RUBCNL: variants seen among roughly 807,000 people sequenced by gnomAD.
RUBCNL encodes rubicon like autophagy enhancer.
Under a neutral mutation model 69.5 loss-of-function variants are expected in RUBCNL, and 62 were observed. The observed-to-expected ratio is 0.89, with a 90% CI of 0.73 to 1.10. RUBCNL has a LOEUF of 1.10. Ranked by LOEUF, RUBCNL falls within the 50% of genes least tolerant of loss-of-function variation. RUBCNL has a pLI of 0.00. For synonymous variants in RUBCNL, 291 were observed against 303.6 expected (o/e 0.96, Z 0.43); for missense variants, 768 against 798.1 (o/e 0.96, Z 0.45).
chr13:46,344,941 C>A, intron 13 of RUBCNL, 110 bp from the exon 14 acceptor site: 2 of 680,186 alleles, frequency 2.9e-6, no homozygotes, highest in Admixed American at 2.8e-5. Context: ...TGATTCCAGC[C>A]TCTAGAAGGA....
At chr13:46,344,307 G>A (rs780216193) in intron 14 of RUBCNL, among the ~76,000 whole-genome samples, 3 of 152,094 alleles carry the variant, frequency 2.0e-5, no homozygotes, top group Non-Finnish European at 2.9e-5. Context: ...CAGAAGGGTC[G>A]GCAACCTTTT....
Position 46,336,128 on chromosome 13 carries a change from A to G in RUBCNL, c.*7257T>C, listed in dbSNP as rs532950689. Among the ~76,000 whole-genome samples, 307 of 152,354 alleles carry G rather than the reference A, an allele frequency of 2.0e-3. 6 individuals are homozygous for G. The highest frequency in any genetic ancestry group is 2.6e-3 in the Non-Finnish European group (179 of 68,034). On this transcript the variant is annotated 3_prime_UTR_variant, in exon 15 of 15. Transcript: ENST00000429979. ...CCGGGTTCCAAAGCTTCCAGGAGGA[A>G]GGTGAATGGTTGCATCCATCCATCT...
rs964728681 is a variant in RUBCNL, at chr13:46,341,461, C to A, written c.*1924G>T. ...GAGAGGAACAAAGTCTCAGACAAAT[C>A]CCATACTGCAGTTATTTAAATGACC... On this transcript the variant is annotated 3_prime_UTR_variant, in exon 15 of 15. Transcript: ENST00000429979. Among the ~76,000 whole-genome samples the A allele has an allele frequency of 1.3e-5, 2 of 152,176 alleles. No individual in the cohort carries two copies. Among genetic ancestry groups the A allele is most frequent in the South Asian group, 2.1e-4 (1 of 4,828 alleles).
chr13:46,349,372 G>A (rs781147212), intron 11 of RUBCNL, 25 bp from the exon 12 acceptor site: 6 of 1,602,242 alleles, frequency 3.7e-6, no homozygotes, highest in Non-Finnish European at 3.4e-6. Context: ...CAAACACGGG[G>A]AAAAGTTAAA....
chr13:46,387,095 G>T (rs1046736946), intron 1 of RUBCNL, 39 bp downstream of exon 1: 2 of 985,248 alleles, frequency 2.0e-6, no homozygotes, highest in Middle Eastern at 5.2e-4. Context: ...TCTCCACCCC[G>T]CGCCGCTCCC....
At chr13:46,344,028 A>C (rs2048189983) in intron 14 of RUBCNL, among the ~76,000 whole-genome samples, 1 of 152,134 alleles carries the variant, frequency 6.6e-6, no homozygotes, top group Non-Finnish European at 1.5e-5. Context: ...CCACAGTTCA[A>C]CTTCTCCCTC....
intron 1 of RUBCNL, among the ~76,000 whole-genome samples, chr13:46,378,216 C>T (rs41284179): frequency 0.092 from 14,028 of 152,166 alleles, 877 homozygotes; most frequent in Non-Finnish European, 0.14. Flanking sequence ...AGCTTATGTT[C>T]TGGAGGAAGG....
At chr13:46,386,841 G>A (rs17068099) in intron 1 of RUBCNL, among the ~76,000 whole-genome samples, 1,545 of 152,268 alleles carry the variant, frequency 0.01, 27 homozygotes, top group African/African-American at 0.028. Flanking sequence ...AGTGTCCTGA[G>A]GTCCCGCTTC....
chr13:46,343,193 C>T lies in RUBCNL; in HGVS notation c.*192G>A, dbSNP rs2048170668. The T allele has an allele frequency of 1.1e-6, 1 of 894,338 alleles. No homozygotes were observed. Among genetic ancestry groups the T allele is most frequent in the East Asian group, 2.7e-5 (1 of 36,474 alleles). The allele number at this position is 894,338 out of a possible 1,614,324, so 55.4% of individuals were successfully genotyped here. Reference sequence around the variant, plus strand: ...AGAACATTTGTAAACAAAACCACAACTATCAGCCCTGTGCTTAAACACAGA... The same window carrying T: ...AGAACATTTGTAAACAAAACCACAATTATCAGCCCTGTGCTTAAACACAGA... On this transcript the variant is annotated 3_prime_UTR_variant, in exon 15 of 15. Transcript: ENST00000429979.
At chr13:46,352,833 C>T (rs1314553763) in intron 10 of RUBCNL, among the ~76,000 whole-genome samples, 1 of 152,128 alleles carries the variant, frequency 6.6e-6, no homozygotes, top group Non-Finnish European at 1.5e-5. Context: ...AAAAAATAAA[C>T]AAGGCCTGGC....
Position 46,341,682 on chromosome 13 carries a change from C to T in RUBCNL, c.*1703G>A, listed in dbSNP as rs1344780171. 6.6e-6 allele frequency among the ~76,000 whole-genome samples: 1 copy of T among 152,222 alleles called. No homozygotes were observed. The highest frequency in any genetic ancestry group is 1.9e-4 in the East Asian group (1 of 5,204). The stretch of plus-strand genomic sequence containing the variant: ...AAATCAACACTGATGTGAGAAAACA[C>T]TCTGCCCAATGCCACTTCTGCAAGT... On this transcript the variant is annotated 3_prime_UTR_variant, in exon 15 of 15. Coordinates refer to ENST00000429979, the MANE Select transcript of RUBCNL (RefSeq NM_025113.5).
intron 1 of RUBCNL, among the ~76,000 whole-genome samples, chr13:46,380,254 C>A (rs2049089972): frequency 6.6e-6 from 1 of 152,168 alleles, no homozygotes; most frequent in African/African-American, 2.4e-5. Context: ...CCTAAAAGAA[C>A]TGCAGGGTTG....
rs1054919017 is a variant in RUBCNL, at chr13:46,387,122, C to G, written c.-239+12G>C. 2 of 985,756 alleles carry G rather than the reference C, an allele frequency of 2.0e-6. No homozygotes were observed. Among genetic ancestry groups the G allele is most frequent in the Non-Finnish European group, 2.4e-6 (2 of 830,202 alleles). 61.1% of individuals were successfully genotyped at this position (985,756 alleles called of 1,614,324 possible). A position where few individuals can be genotyped will look rare whatever the true frequency, so the allele number is the denominator to read the frequency against. ...GCCGCTCCCATCTCGCCCCCGGCCC[C>G]GCCAGCCTCACCCAGCCAAACCCGA... is the stretch of plus-strand genomic sequence containing the variant. On this transcript the variant is annotated intron_variant, in intron 1 of 14. Transcript: ENST00000429979.
At chr13:46,386,103 G>A (rs1173714253) in intron 1 of RUBCNL, among the ~76,000 whole-genome samples, 1 of 152,142 alleles carries the variant, frequency 6.6e-6, no homozygotes, top group Non-Finnish European at 1.5e-5. Flanking sequence ...GTTTCAGTGG[G>A]CAGCAATGTG....
chr13:46,337,287 C>A lies in RUBCNL; in HGVS notation c.*6098G>T, dbSNP rs2048110901. Among the ~76,000 whole-genome samples the A allele has an allele frequency of 6.6e-6, 1 of 152,114 alleles. No individual in the cohort carries two copies. The highest frequency in any genetic ancestry group is 2.1e-4 in the South Asian group (1 of 4,818). On this transcript the variant is annotated 3_prime_UTR_variant, in exon 15 of 15. Transcript: ENST00000429979. Reference sequence around the variant, plus strand: ...CCTCCCGAGTAGCTGGGATTACAGGCACTTGCGACCACACCTAATTTTTGT... The same window carrying A: ...CCTCCCGAGTAGCTGGGATTACAGGAACTTGCGACCACACCTAATTTTTGT...
rs778540680 is a variant in RUBCNL at position 46,371,944 on chromosome 13, C to A, written c.532G>T (p.Glu178Ter). The A allele has an allele frequency of 3.7e-6, 6 of 1,613,780 alleles. No homozygotes were observed. The South Asian group carries it at 5.5e-5, about 15-fold the overall frequency. ...EPSHLTSAADEGAVQVSRRTI... is the reference protein window; with the variant it reads ...EPSHLTSAAD Reference sequence around the variant, plus strand: ...GGAGGTCACCTACTAAAATTACCTTCATCAGCAGCAGATGTCAGATGGGAA... The same window carrying A: ...GGAGGTCACCTACTAAAATTACCTTAATCAGCAGCAGATGTCAGATGGGAA... The change falls in exon 3 of 15, where the codon GAA becomes TAA. Residue 178 changes from glutamate to a stop codon, truncating the protein, a stop_gained. Transcript: ENST00000429979. LOFTEE classifies it high-confidence loss of function.
intron 10 of RUBCNL, among the ~76,000 whole-genome samples, chr13:46,353,902 A>C (rs944649896): frequency 1.3e-5 from 2 of 152,228 alleles, no homozygotes; most frequent in African/African-American, 4.8e-5. Flanking sequence ...AATTTCAATT[A>C]ATTTAATTTT....
intron 10 of RUBCNL, among the ~76,000 whole-genome samples, chr13:46,353,110 G>C (rs1024828580): frequency 6.6e-6 from 1 of 152,134 alleles, no homozygotes; most frequent in Admixed American, 6.5e-5. Flanking sequence ...CTCCTCCTCC[G>C]CTGCATTCGA....
At chr13:46,384,382 T>G (rs1045845621) in intron 1 of RUBCNL, among the ~76,000 whole-genome samples, 2 of 152,200 alleles carry the variant, frequency 1.3e-5, no homozygotes, top group Non-Finnish European at 2.9e-5. Context: ...TAAAAAAGTA[T>G]AAGAAGAATA....
Sources: gnomAD v4.1 joint callset for allele counts (sites outside exome capture counted in the v4.1 genomes callset) on GRCh38, gnomAD v4.1.1 for gene constraint, MANE v1.5 for transcripts, NCBI Gene and HGNC (gene_info 2026-07-23, HGNC 2026-07-21) for gene names.